Variants in MBD5 observed in about 807,000 individuals in gnomAD.
MBD5 encodes methyl-CpG-binding domain protein 5.
Under a neutral mutation model 117.3 loss-of-function variants are expected in MBD5, and 13 were observed. The observed-to-expected ratio is 0.11, with a 90% CI of 0.07 to 0.18. The LOEUF (loss-of-function observed/expected upper bound fraction) is 0.18, where lower values mean the gene tolerates loss of function less well. Ranked by LOEUF, MBD5 falls within the 10% of genes least tolerant of loss-of-function variation. MBD5 has a pLI of 1.00. For missense variants in MBD5, 1,879 were observed against 2,093.8 expected, an observed-to-expected ratio of 0.90 and a Z score of 2.00; for synonymous variants, 727 against 766.4, an observed-to-expected ratio of 0.95 and a Z score of 0.85.
At chr2:148,093,010 AG>A (rs1695981670) in intron 1 of MBD5, among the ~76,000 whole-genome samples, 1 of 151,538 alleles carries the variant, frequency 6.6e-6, no homozygotes, top group Admixed American at 6.6e-5. Context: ...TTCTGCCTTG[AG>A]GGTTCAAGTG....
intron 1 of MBD5, among the ~76,000 whole-genome samples, chr2:148,168,460 GTAAA>G (rs1698180271): frequency 6.6e-6 from 1 of 152,180 alleles, no homozygotes; most frequent in Admixed American, 6.5e-5. Context: ...TTTGAGAAAA[GTAAA>G]TGAAGATGAT....
intron 3 of MBD5, among the ~76,000 whole-genome samples, chr2:148,285,827 G>T (rs114114371): frequency 3.3e-5 from 5 of 152,012 alleles, no homozygotes; most frequent in Admixed American, 3.3e-4. Context: ...CCAAAGTGCC[G>T]GGATTACAGG....
chr2:148,369,155 A>G (rs1279347589), intron 4 of MBD5, among the ~76,000 whole-genome samples: 1 of 152,082 alleles, frequency 6.6e-6, no homozygotes, highest in African/African-American at 2.4e-5. Context: ...ACCGGCCTAC[A>G]TTCTTCAAAA....
At chr2:148,395,395 CT>C (rs1188130698) in intron 4 of MBD5, among the ~76,000 whole-genome samples, 1 of 150,176 alleles carries the variant, frequency 6.7e-6, no homozygotes, top group Admixed American at 6.7e-5. Flanking sequence ...GTTTATACTC[CT>C]AATGAAGAGA....
At position 148,463,807 on chromosome 2, in the gene MBD5, T is replaced by A; in HGVS notation, c.285T>A (p.Asp95Glu). The A allele has an allele frequency of 6.2e-7, 1 of 1,613,854 alleles. No individual in the cohort carries two copies. Among genetic ancestry groups the A allele is most frequent in the East Asian group, 2.2e-5 (1 of 44,874 alleles). The change falls in exon 7 of 14, where the codon GAT becomes GAA. Residue 95 changes from aspartate (D) to glutamate (E), a missense_variant. Physicochemically the swap from Asp to Glu is conservative, Grantham distance 45 (BLOSUM62 2). Transcript: ENST00000642680. ...RTAEDVKADE[D>E]VTKLCIHKRK... ...CAGAAGATGTTAAGGCAGATGAAGATGTCACAAAGCTATGCATACATAAAA... is the reference window on the plus strand; with the variant it reads ...CAGAAGATGTTAAGGCAGATGAAGAAGTCACAAAGCTATGCATACATAAAA...
At chr2:148,177,819 T>A (rs1698426866) in intron 1 of MBD5, among the ~76,000 whole-genome samples, 1 of 152,196 alleles carries the variant, frequency 6.6e-6, no homozygotes, top group African/African-American at 2.4e-5. Context: ...AAAACCGACA[T>A]CTGCACTAAT....
rs142068697 is a variant in MBD5 at position 148,087,051 on chromosome 2, G to A, written c.-925+65367G>A. Among the ~76,000 whole-genome samples the A allele has an allele frequency of 7.0e-4, 106 of 152,266 alleles. 1 individual carries two copies. Among genetic ancestry groups the A allele is most frequent in the African/African-American group, 2.4e-3 (101 of 41,556 alleles). ...GAGGGAAGATGACAGATAGGAGACA[G>A]GGCTGACCTGCAGCTCCCACTCGGA... On this transcript the variant is annotated intron_variant, in intron 1 of 13. Transcript: ENST00000642680.
At chr2:148,448,019 T>C (rs886365662) in intron 4 of MBD5, among the ~76,000 whole-genome samples, 9 of 152,120 alleles carry the variant, frequency 5.9e-5, no homozygotes, top group African/African-American at 2.2e-4. Flanking sequence ...CCTGAGTACT[T>C]TGTGCCTAAG....
chr2:148,325,964 T>A (rs1702438489), intron 3 of MBD5, among the ~76,000 whole-genome samples: 1 of 152,200 alleles, frequency 6.6e-6, no homozygotes, highest in Admixed American at 6.5e-5. Context: ...CTTTCTCTTG[T>A]GGGCATTTAG....
At chr2:148,243,436 T>C (rs890395774) in intron 3 of MBD5, among the ~76,000 whole-genome samples, 2 of 152,084 alleles carry the variant, frequency 1.3e-5, no homozygotes, top group African/African-American at 4.8e-5. Context: ...TTACCTAAGG[T>C]TATAATATAT....
intron 3 of MBD5, among the ~76,000 whole-genome samples, chr2:148,303,425 G>A (rs1701819537): frequency 6.6e-6 from 1 of 152,196 alleles, no homozygotes; most frequent in Admixed American, 6.5e-5. Flanking sequence ...AGGGAGCAAG[G>A]GGAAGTATTG....
intron 1 of MBD5, among the ~76,000 whole-genome samples, chr2:148,095,011 C>T (rs1275966852): frequency 6.6e-6 from 1 of 152,006 alleles, no homozygotes; most frequent in Non-Finnish European, 1.5e-5. Context: ...GGTGAATCAT[C>T]CTGAATTATT....
At chr2:148,359,004 G>GTAATC (rs980798680) in intron 4 of MBD5, among the ~76,000 whole-genome samples, 1 of 152,050 alleles carries the variant, frequency 6.6e-6, no homozygotes, top group Non-Finnish European at 1.5e-5. Context: ...GCTCAAGCCT[G>GTAATC]TAATCCCAGC....
chr2:148,043,485 A>AAATAAATAAATG (rs1446837847), intron 1 of MBD5, among the ~76,000 whole-genome samples: 3 of 141,706 alleles, frequency 2.1e-5, no homozygotes, highest in African/African-American at 7.9e-5. Context: ...ATAAATAAAT[A>AAATAAATAAATG]AAAGAATAGA....
At chr2:148,058,966 G>A (rs780986032) in intron 1 of MBD5, among the ~76,000 whole-genome samples, 4 of 152,140 alleles carry the variant, frequency 2.6e-5, no homozygotes, top group Non-Finnish European at 5.9e-5. Context: ...AGTGTTTTAT[G>A]AAGTGTATTT....
intron 2 of MBD5, among the ~76,000 whole-genome samples, chr2:148,200,092 CCTT>C (rs1364955756): frequency 1.3e-5 from 2 of 152,192 alleles, no homozygotes. Flanking sequence ...AGTTTCCTCA[CCTT>C]CTTTAAACTT....
chr2:148,160,869 AT>A (rs1361104707), intron 1 of MBD5, among the ~76,000 whole-genome samples: 1 of 152,154 alleles, frequency 6.6e-6, no homozygotes, highest in Non-Finnish European at 1.5e-5. Context: ...TTTTATAGTG[AT>A]TTGTGTGTAT....
chr2:148,168,730 G>A (rs1290127909), intron 1 of MBD5, among the ~76,000 whole-genome samples: 1 of 151,988 alleles, frequency 6.6e-6, no homozygotes, highest in Non-Finnish European at 1.5e-5. Flanking sequence ...GTGCCAGAGC[G>A]AGACCCTGTC....
intron 1 of MBD5, chr2:148,027,252 CAG>C (rs951791688): frequency 2.3e-4 from 35 of 152,076 alleles, no homozygotes; most frequent in African/African-American, 7.5e-4. Flanking sequence ...GTACTAAAGT[CAG>C]AAATATTTTG....
Sources: allele counts gnomAD v4.1 joint callset (sites outside exome capture counted in the v4.1 genomes callset), GRCh38; gene constraint gnomAD v4.1.1; transcripts MANE v1.5; gene names NCBI Gene and HGNC (gene_info 2026-07-23, HGNC 2026-07-21).